The following AKT2 variants were observed in gnomAD, a reference collection of about 807,000 sequenced individuals.
AKT2 encodes the protein RAC-beta serine/threonine-protein kinase.
Under a neutral mutation model 58.6 loss-of-function variants are expected in AKT2, and 16 were observed. The ratio of observed to expected loss-of-function variants is 0.27; its 90% CI spans 0.18 to 0.41. AKT2 has a LOEUF of 0.41. Among genes scored for constraint, AKT2 ranks in the 10% least tolerant of loss-of-function variants. AKT2 has a pLI of 1.00. For synonymous variants in AKT2, 253 were observed against 254.0 expected, an observed-to-expected ratio of 1.00 and a Z score of 0.04; for missense variants, 438 against 661.0, an observed-to-expected ratio of 0.66 and a Z score of 3.70.
rs1050938016 is a variant in AKT2 at position 40,234,648 on chromosome 19, G to A, written c.1366+397C>T. On this transcript the variant is annotated intron_variant, in intron 13 of 13. Coordinates refer to ENST00000392038, the MANE Select transcript of AKT2 (RefSeq NM_001626.6). The surrounding 1 kb of genome is among the most constrained non-coding windows in gnomAD (Gnocchi z 4.7). The stretch of plus-strand genomic sequence containing the variant: ...CACGCCCTAGCCCTGACCACTCCAG[G>A]CCGCCCACCCTACCTGGGCTGGGAG... The A allele has an allele frequency of 1.8e-6, 1 of 552,112 alleles. No individual in the cohort carries two copies. The highest frequency in any genetic ancestry group is 3.2e-6 in the Non-Finnish European group (1 of 313,514). 34.2% of individuals were successfully genotyped at this position (552,112 alleles called of 1,614,324 possible).
At position 40,235,144 on chromosome 19, in the gene AKT2, G is replaced by A. The variant is rs2145157867; in HGVS notation, c.1267C>T (p.Leu423=). The change falls in exon 13 of 14, where the codon CTG becomes TTG. Residue 423 remains leucine, a synonymous_variant. Coordinates refer to ENST00000392038, the MANE Select transcript of AKT2 (RefSeq NM_001626.6). This position sits in a 1 kb window ranked among gnomAD's most constrained non-coding sequence, Gnocchi z 6.3. ...GTGACCTGAGGTTTGAAGGGTGGCA[G>A]GAGCTACGGAGGAGAGGAGCTCAGG... The part of the protein sequence containing the change: ...NWQDVVQKKL[L]PPFKPQVTSE... 6 of 1,614,132 alleles carry A rather than the reference G, an allele frequency of 3.7e-6. No homozygotes were observed. The highest frequency in any genetic ancestry group is 5.1e-6 in the Non-Finnish European group (6 of 1,180,010).
At chr19:40,278,677 T>C (rs2077369546) in intron 1 of AKT2, among the ~76,000 whole-genome samples, 1 of 151,786 alleles carries the variant, frequency 6.6e-6, no homozygotes, top group African/African-American at 2.4e-5. Context: ...CCTTCTGTGC[T>C]CTCAGGTGCC....
chr19:40,255,306 G>T (rs760935284), intron 3 of AKT2, 37 bp from the exon 4 acceptor site: 49 of 1,549,530 alleles, frequency 3.2e-5, no homozygotes, highest in Non-Finnish European at 6.2e-6. Flanking sequence ...GGGGCTGAGG[G>T]GATAGCCCTG....
intron 4 of AKT2, among the ~76,000 whole-genome samples, chr19:40,250,164 G>A (rs1437435010): frequency 6.6e-6 from 1 of 152,204 alleles, no homozygotes; most frequent in Non-Finnish European, 1.5e-5. Context: ...CTCTGAGTGG[G>A]AGTGAAAGCC....
In AKT2 at chr19:40,235,562, GCCTGGCCTTAC is replaced by G. The variant is rs1973972228; in HGVS notation, c.1176-223_1176-213del. On this transcript the variant is annotated intron_variant, in intron 11 of 13. Transcript: ENST00000392038. This position sits in a 1 kb window ranked among gnomAD's most constrained non-coding sequence, Gnocchi z 6.3. ...CAACCCGGACCCACGTGTCCTCACT[GCCTGGCCTTAC>G]CCTGAGTCCAGAAAGGGAGTTAGTA... 6.2e-6 allele frequency: 4 copies of G among 645,358 alleles called. No individual in the cohort carries two copies. The highest frequency in any genetic ancestry group is 1.1e-5 in the Non-Finnish European group (4 of 359,504). 40.0% of individuals were successfully genotyped at this position (645,358 alleles called of 1,614,324 possible).
rs1973859850 is a variant in AKT2, at chr19:40,234,041, C to T, written c.1367-90G>A. 1.9e-5 allele frequency: 25 copies of T among 1,348,994 alleles called. No individual in the cohort carries two copies. The highest frequency in any genetic ancestry group is 2.4e-5 in the Non-Finnish European group (23 of 975,528). 83.6% of individuals were successfully genotyped at this position (1,348,994 alleles called of 1,614,324 possible). A position where few individuals can be genotyped will look rare whatever the true frequency, so the allele number is the denominator to read the frequency against. ...TCCCTGGGGAAACGGCCCCAGCTGG[C>T]GGGGGCTGCCCACAGGACAGGACAG... On this transcript the variant is annotated intron_variant, in intron 13 of 13. Coordinates refer to ENST00000392038, the MANE Select transcript of AKT2 (RefSeq NM_001626.6). The surrounding 1 kb of genome is among the most constrained non-coding windows in gnomAD (Gnocchi z 4.7).
chr19:40,238,592 T>C lies in AKT2; in HGVS notation c.708+313A>G, dbSNP rs565767108. ...CTGCTAGGTTTTAACCCTTGGGGGC[T>C]TTCTCTGGGGCCTTTAAGACCATCC... On this transcript the variant is annotated intron_variant, in intron 8 of 13. Coordinates refer to ENST00000392038, the MANE Select transcript of AKT2 (RefSeq NM_001626.6). This position sits in a 1 kb window ranked among gnomAD's most constrained non-coding sequence, Gnocchi z 5.1. Among the ~76,000 whole-genome samples the C allele has an allele frequency of 2.4e-3, 368 of 152,220 alleles. No individual in the cohort carries two copies. Among genetic ancestry groups the C allele is most frequent in the African/African-American group, 8.0e-3 (333 of 41,556 alleles).
chr19:40,241,897 C>A (rs1456964908), intron 6 of AKT2, 41 bp downstream of exon 6: 2 of 1,613,028 alleles, frequency 1.2e-6, no homozygotes, highest in Non-Finnish European at 1.7e-6. Flanking sequence ...CAGACCGCAG[C>A]CCCCACAGAG....
chr19:40,242,789 A>G lies in AKT2; in HGVS notation c.288-102T>C. 2 of 1,306,188 alleles carry G rather than the reference A, an allele frequency of 1.5e-6. No individual in the cohort carries two copies. The highest frequency in any genetic ancestry group is 2.1e-6 in the Non-Finnish European group (2 of 932,586). The allele number at this position is 1,306,188 out of a possible 1,614,324, so 80.9% of individuals were successfully genotyped here. ...AGCCACCCCCAGCAACAGGCAAGCA[A>G]ATGACCACATAACCATGGGAATTTG... On this transcript the variant is annotated intron_variant, in intron 4 of 13. Transcript: ENST00000392038. The surrounding 1 kb of genome is among the most constrained non-coding windows in gnomAD (Gnocchi z 4.3).
chr19:40,247,587 G>A (rs537699616), intron 4 of AKT2, among the ~76,000 whole-genome samples: 22 of 152,250 alleles, frequency 1.4e-4, no homozygotes, highest in Non-Finnish European at 2.5e-4. Context: ...ACCCAGCCAG[G>A]GAGCCCACGG....
At chr19:40,269,755 G>A (rs749224667) in intron 1 of AKT2, among the ~76,000 whole-genome samples, 11 of 152,108 alleles carry the variant, frequency 7.2e-5, no homozygotes, top group Non-Finnish European at 1.6e-4. Flanking sequence ...ACTCAGCAAC[G>A]AAAAGGACTA....
Position 40,235,841 on chromosome 19 carries a change from A to T in AKT2, c.1175+49T>A. 2 of 1,559,350 alleles carry T rather than the reference A, an allele frequency of 1.3e-6. No homozygotes were observed. The highest frequency in any genetic ancestry group is 1.7e-6 in the Non-Finnish European group (2 of 1,151,686). On this transcript the variant is annotated intron_variant, in intron 11 of 13. Coordinates refer to ENST00000392038, the MANE Select transcript of AKT2 (RefSeq NM_001626.6). The surrounding 1 kb of genome is among the most constrained non-coding windows in gnomAD (Gnocchi z 6.3). Reference sequence around the variant, plus strand: ...GCTGCCCCCTCCAGGCCGCAGGGACAGTGGCAGCAGCTGGCGCTGGGCTGG... The same window carrying T: ...GCTGCCCCCTCCAGGCCGCAGGGACTGTGGCAGCAGCTGGCGCTGGGCTGG...
At chr19:40,269,328 A>C (rs1976565806) in intron 1 of AKT2, 1 of 152,338 alleles carries the variant, frequency 6.6e-6, no homozygotes, top group Non-Finnish European at 1.5e-5. Flanking sequence ...CAAGGTAAAA[A>C]GAGCAAGAGC....
chr19:40,245,642 T>G (rs1974703910), intron 4 of AKT2, among the ~76,000 whole-genome samples: 1 of 152,082 alleles, frequency 6.6e-6, no homozygotes, highest in Non-Finnish European at 1.5e-5. Context: ...GGGGCACAGA[T>G]TGAAAAAACA....
chr19:40,244,253 G>A (rs1407141596), intron 4 of AKT2: 1 of 151,642 alleles, frequency 6.6e-6, no homozygotes, highest in Non-Finnish European at 1.5e-5. Flanking sequence ...GACCAGCCTA[G>A]GCAACATGGA....
At position 40,232,915 on chromosome 19, in the gene AKT2, A is replaced by G. The variant is rs1031243680; in HGVS notation, c.*957T>C. The G allele has an allele frequency of 3.9e-5, 4 of 103,842 alleles. No individual in the cohort carries two copies. The highest frequency in any genetic ancestry group is 3.0e-4 in the Admixed American group (3 of 10,100). The allele number at this position is 103,842 out of a possible 1,614,324, so 6.4% of individuals were successfully genotyped here. A position where few individuals can be genotyped will look rare whatever the true frequency, so the allele number is the denominator to read the frequency against. ...TCCCTTTTCAGAGGCCCCCCACCCC[A>G]ATAGGTACCAGAGATGCCCACCCCC... On this transcript the variant is annotated 3_prime_UTR_variant, in exon 14 of 14. Transcript: ENST00000392038.
At chr19:40,269,856 A>T (rs1459037714) in intron 1 of AKT2, among the ~76,000 whole-genome samples, 1 of 152,152 alleles carries the variant, frequency 6.6e-6, no homozygotes, top group Non-Finnish European at 1.5e-5. Flanking sequence ...TGCAGCCTGG[A>T]GCCCCGTGAC....
chr19:40,232,269 C>T lies in AKT2; in HGVS notation c.*1603G>A. 1 of 233,836 alleles carries T rather than the reference C, an allele frequency of 4.3e-6. No homozygotes were observed. The highest frequency in any genetic ancestry group is 8.5e-6 in the Non-Finnish European group (1 of 118,196). 14.5% of individuals were successfully genotyped at this position (233,836 alleles called of 1,614,324 possible). ...ACAGGAGGAGCTGGGGCCCAGGGGT[C>T]TGACTCCATCACCAAGGCAAAGCCC... On this transcript the variant is annotated 3_prime_UTR_variant, in exon 14 of 14. Coordinates refer to ENST00000392038, the MANE Select transcript of AKT2 (RefSeq NM_001626.6).
At chr19:40,284,928 G>T in intron 1 of AKT2, 1 of 316,900 alleles carries the variant, frequency 3.2e-6, no homozygotes, top group Non-Finnish European at 5.7e-6. Context: ...GCTGCGGCCT[G>T]CGCTCCCCGT....
Sources: allele counts gnomAD v4.1 joint callset (sites outside exome capture counted in the v4.1 genomes callset), GRCh38; gene constraint gnomAD v4.1.1; non-coding constraint Gnocchi (gnomAD v3.1); transcripts MANE v1.5; gene names NCBI Gene and HGNC (gene_info 2026-07-23, HGNC 2026-07-21).